CDK13: variants seen among roughly 807,000 people sequenced by gnomAD.
CDK13 encodes cyclin-dependent kinase 13.
Under a neutral mutation model 137.6 loss-of-function variants are expected in CDK13, and 40 were observed. That is an observed-to-expected ratio of 0.29 (90% CI 0.23 to 0.38). The LOEUF (loss-of-function observed/expected upper bound fraction) is 0.38, where lower values mean the gene tolerates loss of function less well. Ranked by LOEUF, CDK13 falls within the 10% of genes least tolerant of loss-of-function variation. The probability of loss-of-function intolerance (pLI) is 1.00; values close to 1 mark genes in which losing one functional copy is unlikely to be tolerated. For missense variants in CDK13, 1,704 were observed against 1,951.8 expected (o/e 0.87, Z 2.39); for synonymous variants, 869 against 760.1 (o/e 1.14, Z -2.36).
chr7:39,956,712 C>T (rs1208219692), intron 1 of CDK13, among the ~76,000 whole-genome samples: 1 of 152,086 alleles, frequency 6.6e-6, no homozygotes. Context: ...TTCAGCCTCC[C>T]GAGTAGCTGG....
chr7:40,060,106 G>A (rs1248165087), intron 7 of CDK13, among the ~76,000 whole-genome samples: 2 of 152,064 alleles, frequency 1.3e-5, no homozygotes, highest in African/African-American at 4.8e-5. Context: ...GTATATTCTA[G>A]TTTGCTAAGG....
Position 40,042,642 on chromosome 7 carries a change from TG to T in CDK13, c.2354-3193del, listed in dbSNP as rs372704654. On this transcript the variant is annotated intron_variant, in intron 5 of 13. Transcript: ENST00000181839. ...TACAGGCATGTGCCCCACATCCAGC[TG>T]TTTTTTTTGTATTTTAGCAGAGACG... Among the ~76,000 whole-genome samples the T allele has an allele frequency of 7.0e-3, 1,030 of 147,064 alleles. 12 individuals carry two copies. Among genetic ancestry groups the T allele is most frequent in the African/African-American group, 0.026 (959 of 37,062 alleles).
In CDK13 at chr7:40,063,118, A is replaced by G; in HGVS notation, c.2780+18A>G. The G allele has an allele frequency of 6.4e-7, 1 of 1,570,684 alleles. No homozygotes were observed. The highest frequency in any genetic ancestry group is 8.8e-7 in the Non-Finnish European group (1 of 1,140,502). On this transcript the variant is annotated intron_variant, in intron 9 of 13. Transcript: ENST00000181839. ...TTAATAAGGTAAGCTGCTGATTATA[A>G]TATTGGTGGGAATTGGGAGAGTGTC...
intron 1 of CDK13, among the ~76,000 whole-genome samples, chr7:39,958,320 A>G (rs1414557964): frequency 6.6e-6 from 1 of 151,960 alleles, no homozygotes; most frequent in Non-Finnish European, 1.5e-5. Flanking sequence ...AAATTATTTC[A>G]CCTTTCTTAG....
At chr7:40,002,127 A>G in intron 5 of CDK13, 96 bp downstream of exon 5, 3 of 739,834 alleles carry the variant, frequency 4.1e-6, no homozygotes, top group Non-Finnish European at 2.2e-6. Flanking sequence ...TTGAGTAATT[A>G]CAAACTATTG....
chr7:40,001,217 CT>C (rs372931532), intron 4 of CDK13, among the ~76,000 whole-genome samples: 511 of 141,214 alleles, frequency 3.6e-3, no homozygotes, highest in Non-Finnish European at 5.0e-3. Context: ...TCTTCAGCAT[CT>C]TTTTTTTTTT....
At chr7:40,073,319 C>T (rs1344972594) in intron 9 of CDK13, among the ~76,000 whole-genome samples, 3 of 152,064 alleles carry the variant, frequency 2.0e-5, no homozygotes, top group Non-Finnish European at 2.9e-5. Flanking sequence ...AGGAACCCTA[C>T]GATCTCAGAT....
chr7:40,050,333 C>G (rs10272641), intron 7 of CDK13, among the ~76,000 whole-genome samples: 76,511 of 152,002 alleles, frequency 0.5, 20,145 homozygotes, highest in African/African-American at 0.66. Flanking sequence ...TTGGTCTGAA[C>G]TGTACTTAAT....
intron 1 of CDK13, among the ~76,000 whole-genome samples, chr7:39,970,955 T>C (rs981265985): frequency 6.6e-6 from 1 of 152,246 alleles, no homozygotes; most frequent in African/African-American, 2.4e-5. Flanking sequence ...TTTTTTATTA[T>C]GTAGGTCTGC....
chr7:40,049,003 A>T lies in CDK13; in HGVS notation c.2600+1126A>T, dbSNP rs117852974. 968 of 150,954 alleles carry T rather than the reference A, an allele frequency of 6.4e-3. 33 individuals are homozygous for T. In the East Asian group the frequency reaches 0.074, roughly 12 times the overall value. 9.4% of individuals were successfully genotyped at this position (150,954 alleles called of 1,614,324 possible). A position where few individuals can be genotyped will look rare whatever the true frequency, so the allele number is the denominator to read the frequency against. On this transcript the variant is annotated intron_variant, in intron 7 of 13. Coordinates refer to ENST00000181839, the MANE Select transcript of CDK13 (RefSeq NM_003718.5). ...GGATCACTTGAGGGTCAGCACTTGG[A>T]GACCAGCCTGGCCAACATGGTGAAA...
intron 2 of CDK13, among the ~76,000 whole-genome samples, chr7:39,989,032 C>T (rs1291051822): frequency 3.0e-5 from 4 of 132,198 alleles, no homozygotes; most frequent in African/African-American, 5.7e-5. Flanking sequence ...TGCAGTGAGC[C>T]GAGATTGCGC....
chr7:40,088,111 CTTT>C lies in CDK13; in HGVS notation c.3030-6_3030-4del. On this transcript the variant is annotated splice_polypyrimidine_tract_variant and intron_variant, in intron 11 of 13. Coordinates refer to ENST00000181839, the MANE Select transcript of CDK13 (RefSeq NM_003718.5). ...AGAAATGCCATTTACAATTTAATTC[CTTT>C]TTTTTTTTCAGTCTCCCTTTATGGC... is the stretch of plus-strand genomic sequence containing the variant. The C allele has an allele frequency of 2.3e-6, 3 of 1,330,020 alleles. No individual in the cohort carries two copies. The highest frequency in any genetic ancestry group is 1.0e-6 in the Non-Finnish European group (1 of 974,052). The allele number at this position is 1,330,020 out of a possible 1,614,324, so 82.4% of individuals were successfully genotyped here. A position where few individuals can be genotyped will look rare whatever the true frequency, so the allele number is the denominator to read the frequency against.
At chr7:39,960,845 G>T (rs555624605) in intron 1 of CDK13, among the ~76,000 whole-genome samples, 76 of 152,172 alleles carry the variant, frequency 5.0e-4, no homozygotes, top group Non-Finnish European at 6.9e-4. Flanking sequence ...AAAGTGCTGG[G>T]ATTACAGGCG....
intron 5 of CDK13, among the ~76,000 whole-genome samples, chr7:40,010,911 C>G (rs921536464): frequency 2.0e-5 from 3 of 151,900 alleles, no homozygotes; most frequent in African/African-American, 7.3e-5. Context: ...TTAAAAAGGC[C>G]TTAAAGAGAA....
In CDK13 at chr7:39,987,828, G is replaced by GAGGCTGCTGCCA. The variant is rs774887186; in HGVS notation, c.1449_1460dup (p.Ala484_Ala487dup). The GAGGCTGCTGCCA allele has an allele frequency of 2.4e-5, 39 of 1,614,166 alleles. No homozygotes were observed. The South Asian group carries it at 3.6e-4, about 15-fold the overall frequency. On this transcript the variant is annotated inframe_insertion, in exon 2 of 14. Coordinates refer to ENST00000181839, the MANE Select transcript of CDK13 (RefSeq NM_003718.5). Reference sequence around the variant, plus strand: ...AGCTGCAGAAGCAACTAAGGCTGCTGAGGCTGCTGCCAAGGCTGCAAAAGC... The same window carrying GAGGCTGCTGCCA: ...AGCTGCAGAAGCAACTAAGGCTGCTGAGGCTGCTGCCAAGGCTGCTGCCAAGGCTGCAAAAGC...
At chr7:39,975,011 A>G (rs575561152) in intron 1 of CDK13, among the ~76,000 whole-genome samples, 1 of 152,112 alleles carries the variant, frequency 6.6e-6, no homozygotes, top group Non-Finnish European at 1.5e-5. Flanking sequence ...TTCGTCATAA[A>G]TGGCTAGTTT....
At chr7:40,086,282 A>G (rs1255930758) in intron 11 of CDK13, among the ~76,000 whole-genome samples, 2 of 152,192 alleles carry the variant, frequency 1.3e-5, no homozygotes, top group Admixed American at 6.6e-5. Context: ...ACATATGGAT[A>G]TGGAAATTCC....
chr7:39,992,105 G>GCACACGCA (rs1784469586), intron 2 of CDK13, among the ~76,000 whole-genome samples: 1 of 133,360 alleles, frequency 7.5e-6, no homozygotes, highest in South Asian at 2.4e-4. Flanking sequence ...ACACACACAC[G>GCACACGCA]CACACACACA....
At chr7:39,984,369 T>C (rs1784293617) in intron 1 of CDK13, 1 of 150,290 alleles carries the variant, frequency 6.7e-6, no homozygotes. Flanking sequence ...GTGGGTAGTA[T>C]CTCTGCACTC....
Sources: gnomAD v4.1 joint callset for allele counts (sites outside exome capture counted in the v4.1 genomes callset) on GRCh38, gnomAD v4.1.1 for gene constraint, MANE v1.5 for transcripts, NCBI Gene and HGNC (gene_info 2026-07-23, HGNC 2026-07-21) for gene names.